Variants in CUBN observed in about 807,000 individuals in gnomAD.
The protein encoded by CUBN is cubilin.
Under a neutral mutation model 405.3 loss-of-function variants are expected in CUBN, and 282 were observed. The ratio of observed to expected loss-of-function variants is 0.70; its 90% CI spans 0.63 to 0.77. The LOEUF (loss-of-function observed/expected upper bound fraction) is 0.77. CUBN is among the 30% of genes least tolerant of loss of function. CUBN has a pLI of 0.00. For missense variants in CUBN, 4,514 were observed against 4,475.2 expected (o/e 1.01, Z -0.25); for synonymous variants, 1,684 against 1,617.0 (o/e 1.04, Z -0.99).
intron 28 of CUBN, among the ~76,000 whole-genome samples, chr10:17,010,263 G>A (rs375593491): frequency 8.5e-5 from 13 of 152,132 alleles, no homozygotes; most frequent in African/African-American, 1.7e-4. Context: ...TCAGAATCAC[G>A]GAATACTACA....
chr10:17,001,630 AATG>A (rs777236730), intron 28 of CUBN, among the ~76,000 whole-genome samples: 1 of 152,240 alleles, frequency 6.6e-6, no homozygotes, highest in Non-Finnish European at 1.5e-5. Flanking sequence ...CATGTTTTAA[AATG>A]ATAACATCAA....
At chr10:16,949,367 C>T (rs184379148) in intron 34 of CUBN, among the ~76,000 whole-genome samples, 1 of 151,876 alleles carries the variant, frequency 6.6e-6, no homozygotes, top group Non-Finnish European at 1.5e-5. Flanking sequence ...TCTTCTAGTG[C>T]AGGATGAGAA....
chr10:16,933,428 T>C (rs1366934317), intron 39 of CUBN, 144 bp from the exon 40 acceptor site: 9 of 708,958 alleles, frequency 1.3e-5, no homozygotes, highest in South Asian at 1.7e-5. Flanking sequence ...GAATATCGTA[T>C]GTAACCCACT....
Position 16,918,603 on chromosome 10 carries a change from G to A in CUBN, c.7000+19C>T, listed in dbSNP as rs775648463. On this transcript the variant is annotated intron_variant, in intron 45 of 66. Coordinates refer to ENST00000377833, the MANE Select transcript of CUBN (RefSeq NM_001081.4). ...ATGTACCCCTGAACCTAAAATAAAAGTTTTAAAAAAATTATTACCTATAGA... is the reference window on the plus strand; with the variant it reads ...ATGTACCCCTGAACCTAAAATAAAAATTTTAAAAAAATTATTACCTATAGA... 1.4e-5 allele frequency: 23 copies of A among 1,601,272 alleles called. No homozygotes were observed. The highest frequency in any genetic ancestry group is 1.8e-5 in the Non-Finnish European group (21 of 1,170,900).
intron 31 of CUBN, among the ~76,000 whole-genome samples, chr10:16,957,716 C>T (rs55807207): frequency 0.41 from 61,715 of 151,966 alleles, 13,968 homozygotes; most frequent in African/African-American, 0.6. Context: ...ATCCAACAGT[C>T]TCACTCCTGG....
intron 14 of CUBN, among the ~76,000 whole-genome samples, chr10:17,099,469 T>C (rs544174978): frequency 6.6e-6 from 1 of 152,308 alleles, no homozygotes; most frequent in South Asian, 2.1e-4. Flanking sequence ...CTAAGACTCA[T>C]GTTTTTTAAT....
chr10:17,104,812 AT>A lies in CUBN; in HGVS notation c.1231-208del, dbSNP rs10556050. Among the ~76,000 whole-genome samples, 11,798 of 138,500 alleles carry A rather than the reference AT, an allele frequency of 0.085. 498 individuals carry two copies. The highest frequency in any genetic ancestry group is 0.23 in the South Asian group (1,022 of 4,400). 90.9% of individuals were successfully genotyped at this position (138,500 alleles called of 152,430 possible). On this transcript the variant is annotated intron_variant, in intron 11 of 66. Coordinates refer to ENST00000377833, the MANE Select transcript of CUBN (RefSeq NM_001081.4). The stretch of plus-strand genomic sequence containing the variant: ...ATATATGTATAATTATATATATATA[AT>A]TTTTTTTTTTTTTGAGATGGAGTCT...
chr10:17,066,027 A>C (rs1199436802), intron 21 of CUBN, among the ~76,000 whole-genome samples: 1 of 152,230 alleles, frequency 6.6e-6, no homozygotes, highest in Admixed American at 6.5e-5. Context: ...TAGATCACTC[A>C]ATCCCTGTGC....
chr10:17,122,908 T>C lies in CUBN; in HGVS notation c.490-10A>G, dbSNP rs751139581. The C allele has an allele frequency of 8.1e-6, 13 of 1,600,806 alleles. No individual in the cohort carries two copies. Among genetic ancestry groups the C allele is most frequent in the South Asian group, 3.3e-5 (3 of 90,802 alleles). ...CTGAGCAGAGAGGACCCTGTGATCA[T>C]ATAAGGAACAAAGTCAGGTGCCAAA... On this transcript the variant is annotated splice_polypyrimidine_tract_variant and intron_variant, in intron 5 of 66. Transcript: ENST00000377833.
chr10:16,943,563 T>C (rs1285667399), intron 36 of CUBN, among the ~76,000 whole-genome samples: 1 of 152,222 alleles, frequency 6.6e-6, no homozygotes, highest in Non-Finnish European at 1.5e-5. Context: ...GCAAAATTGT[T>C]TTCTTCTGCT....
At chr10:16,850,378 G>A (rs1463674395) in intron 60 of CUBN, among the ~76,000 whole-genome samples, 2 of 152,132 alleles carry the variant, frequency 1.3e-5, no homozygotes, top group African/African-American at 4.8e-5. Flanking sequence ...CTTAACACTT[G>A]TAATCTGAAC....
rs150158691 is a variant in CUBN, at chr10:17,101,387, T to A, written c.1531-1148A>T. ...TTTCAATGCCAGGAAATAGAATTCA[T>A]GAAAACTAAATGGAAGGAAGGAAAT... On this transcript the variant is annotated intron_variant, in intron 13 of 66. Coordinates refer to ENST00000377833, the MANE Select transcript of CUBN (RefSeq NM_001081.4). 2.8e-3 allele frequency among the ~76,000 whole-genome samples: 430 copies of A among 152,228 alleles called. 1 individual carries two copies. The highest frequency in any genetic ancestry group is 0.01 in the Middle Eastern group (3 of 294).
intron 28 of CUBN, among the ~76,000 whole-genome samples, chr10:16,992,039 C>T (rs1833604537): frequency 6.6e-6 from 1 of 152,216 alleles, no homozygotes; most frequent in Non-Finnish European, 1.5e-5. Flanking sequence ...GGCACATATA[C>T]ACCATGGAAT....
rs117136996 is a variant in CUBN at position 17,050,829 on chromosome 10, C to A, written c.3140-3226G>T. 2.8e-3 allele frequency among the ~76,000 whole-genome samples: 421 copies of A among 152,162 alleles called. 1 individual carries two copies. The highest frequency in any genetic ancestry group is 5.0e-3 in the Non-Finnish European group (341 of 68,000). On this transcript the variant is annotated intron_variant, in intron 22 of 66. Transcript: ENST00000377833. ...ATAGAAGTTGGAGGTAGAGACCTAG[C>A]AAGTTAGAGGGGCTCGAGAAACAGG...
chr10:16,851,171 C>T (rs1839671982), intron 60 of CUBN, 64 bp downstream of exon 60: 1 of 1,336,872 alleles, frequency 7.5e-7, no homozygotes, highest in African/African-American at 1.4e-5. Context: ...ACGATATAAA[C>T]TGGAATACAC....
In CUBN at chr10:16,877,065, C is replaced by T. The variant is rs1219657487; in HGVS notation, c.8938G>A (p.Asp2980Asn). The change falls in exon 57 of 67, where the codon GAT (aspartate) becomes AAT (asparagine). Residue 2980 changes from aspartate to asparagine, a missense_variant. Transcript: ENST00000377833. ...RSAVTGSCVN[D>N]GVHIIRGYSV... ...TAACCTCTGATAATGTGCACGCCAT[C>T]GTTGACACAGCTTCCCGTCACAGCG... is the stretch of plus-strand genomic sequence containing the variant. 2.5e-6 allele frequency: 4 copies of T among 1,613,890 alleles called. No individual in the cohort carries two copies. The highest frequency in any genetic ancestry group is 1.3e-5 in the African/African-American group (1 of 74,888).
At chr10:16,900,459 T>C (rs1025216097) in intron 53 of CUBN, among the ~76,000 whole-genome samples, 166 bp downstream of exon 53, 2 of 152,262 alleles carry the variant, frequency 1.3e-5, no homozygotes, top group Non-Finnish European at 2.9e-5. Context: ...AAAATAGAGA[T>C]GCCAGGTATT....
chr10:17,120,472 C>A (rs1837011592), intron 6 of CUBN, among the ~76,000 whole-genome samples: 1 of 152,198 alleles, frequency 6.6e-6, no homozygotes. Flanking sequence ...GTCTAGGAAT[C>A]AAGATCATTT....
At chr10:17,044,969 G>T in intron 25 of CUBN, 38 bp downstream of exon 25, 1 of 1,585,442 alleles carries the variant, frequency 6.3e-7, no homozygotes, top group Non-Finnish European at 8.7e-7. Context: ...TGGGTGAGAT[G>T]GGAGCAGGGA....
Sources: allele counts gnomAD v4.1 joint callset (sites outside exome capture counted in the v4.1 genomes callset), GRCh38; gene constraint gnomAD v4.1.1; transcripts MANE v1.5; gene names NCBI Gene and HGNC (gene_info 2026-07-23, HGNC 2026-07-21).